Variants in ACTN4 observed in about 807,000 individuals in gnomAD.
The protein encoded by ACTN4 is alpha-actinin-4.
Under a neutral mutation model 114.2 loss-of-function variants are expected in ACTN4, and 18 were observed. That is an observed-to-expected ratio of 0.16 (90% CI 0.11 to 0.23). ACTN4 has a LOEUF of 0.23. ACTN4 is among the 10% of genes least tolerant of loss of function. ACTN4 has a pLI of 1.00. For synonymous variants in ACTN4, 515 were observed against 506.3 expected, an observed-to-expected ratio of 1.02 and a Z score of -0.23; for missense variants, 722 against 1,262.9, an observed-to-expected ratio of 0.57 and a Z score of 6.49.
At chr19:38,649,185 G>C (rs1245766226) in intron 1 of ACTN4, among the ~76,000 whole-genome samples, 1 of 143,466 alleles carries the variant, frequency 7.0e-6, no homozygotes, top group Non-Finnish European at 1.5e-5. Context: ...TTTTTGGGGG[G>C]CGGGGGGGGC....
rs1396470283 is a variant in ACTN4, at chr19:38,727,357, C to A, written c.2337+254C>A. The stretch of plus-strand genomic sequence containing the variant: ...GCCTTCTGGGGTGGCATCCTCACCA[C>A]CCCCAGGGCAGATGAAGTCTCAGCA... On this transcript the variant is annotated intron_variant, in intron 18 of 20. Transcript: ENST00000252699. This position sits in a 1 kb window ranked among gnomAD's most constrained non-coding sequence, Gnocchi z 5.4. Among the ~76,000 whole-genome samples, 1 of 152,170 alleles carries A rather than the reference C, an allele frequency of 6.6e-6. No individual in the cohort carries two copies. Among genetic ancestry groups the A allele is most frequent in the Admixed American group, 6.5e-5 (1 of 15,282 alleles).
rs1568666513 is a variant in ACTN4, at chr19:38,647,706, CG to C, written c.-37del. On this transcript the variant is annotated 5_prime_UTR_variant, in exon 1 of 21. Coordinates refer to ENST00000252699, the MANE Select transcript of ACTN4 (RefSeq NM_004924.6). ...TCGGGCAGAGGGGCGGGAGCTGAGGCGGGAGCGGACAGGCTGGTGGGCGAGC... is the reference window on the plus strand; with the variant it reads ...TCGGGCAGAGGGGCGGGAGCTGAGGCGGAGCGGACAGGCTGGTGGGCGAGC... 2 of 1,520,062 alleles carry C rather than the reference CG, an allele frequency of 1.3e-6. No homozygotes were observed. Among genetic ancestry groups the C allele is most frequent in the Admixed American group, 2.1e-5 (1 of 48,578 alleles). The allele number at this position is 1,520,062 out of a possible 1,614,324, so 94.2% of individuals were successfully genotyped here.
At chr19:38,705,405 C>T (rs1968423518) in intron 4 of ACTN4, among the ~76,000 whole-genome samples, 1 of 152,148 alleles carries the variant, frequency 6.6e-6, no homozygotes, top group Admixed American at 6.5e-5. Context: ...AACTTGGCCC[C>T]CATGGACCCG....
chr19:38,668,795 G>T lies in ACTN4; in HGVS notation c.162+20888G>T, dbSNP rs115900946. On this transcript the variant is annotated intron_variant, in intron 1 of 20. Transcript: ENST00000252699. ...ATGTGGTCTTGTTTTACTGCTCACTGACTTACTGAAGTAAACCCATTGACT... is the reference window on the plus strand; with the variant it reads ...ATGTGGTCTTGTTTTACTGCTCACTTACTTACTGAAGTAAACCCATTGACT... Among the ~76,000 whole-genome samples, 364 of 152,346 alleles carry T rather than the reference G, an allele frequency of 2.4e-3. 1 individual carries two copies. Among genetic ancestry groups the T allele is most frequent in the African/African-American group, 8.3e-3 (345 of 41,578 alleles).
chr19:38,689,086 A>G lies in ACTN4; in HGVS notation c.163-11514A>G, dbSNP rs368851060. 5.6e-4 allele frequency among the ~76,000 whole-genome samples: 86 copies of G among 152,306 alleles called. 1 individual carries two copies. In the South Asian group the frequency reaches 8.1e-3, roughly 14 times the overall value. On this transcript the variant is annotated intron_variant, in intron 1 of 20. Transcript: ENST00000252699. ...ACTCAGCAATTTTACTCCTAGGTATATGCCCAAGGCAGTTGAAAACATGTC... is the reference window on the plus strand; with the variant it reads ...ACTCAGCAATTTTACTCCTAGGTATGTGCCCAAGGCAGTTGAAAACATGTC...
chr19:38,663,675 G>T (rs1168957097), intron 1 of ACTN4, among the ~76,000 whole-genome samples: 1 of 152,200 alleles, frequency 6.6e-6, no homozygotes, highest in East Asian at 1.9e-4. Flanking sequence ...CTTTGGAGTA[G>T]CGCTACCAGT....
At chr19:38,686,965 CTTTTT>C (rs34122839) in intron 1 of ACTN4, among the ~76,000 whole-genome samples, 1 of 138,106 alleles carries the variant, frequency 7.2e-6, no homozygotes, top group Admixed American at 7.2e-5. Context: ...GGCAGAGTCT[CTTTTT>C]TTTTTTTTTT....
At chr19:38,674,060 G>A (rs1445964864) in intron 1 of ACTN4, among the ~76,000 whole-genome samples, 2 of 151,934 alleles carry the variant, frequency 1.3e-5, no homozygotes, top group Admixed American at 6.6e-5. Flanking sequence ...GATTACAGGC[G>A]TGAGCCACTG....
intron 11 of ACTN4, among the ~76,000 whole-genome samples, chr19:38,720,271 C>T (rs1197740631): frequency 6.6e-6 from 1 of 152,232 alleles, no homozygotes; most frequent in African/African-American, 2.4e-5. Context: ...CGAACGACCC[C>T]TTGTCCCCAC....
At chr19:38,692,360 C>T (rs1297642078) in intron 1 of ACTN4, among the ~76,000 whole-genome samples, 1 of 152,252 alleles carries the variant, frequency 6.6e-6, no homozygotes, top group Non-Finnish European at 1.5e-5. Context: ...CACGTTGCTG[C>T]ACCCATCTAA....
chr19:38,724,181 T>C lies in ACTN4; in HGVS notation c.1717T>C (p.Phe573Leu). ...GGGCCTGATCTCAGCCCATGACCAG[T>C]TCAAGTCCACCCTGCCGGACGCCGA... ...IEGLISAHDQ[F>L]KSTLPDADRE... Residue 573 changes from phenylalanine (F) to leucine (L), a missense_variant, in exon 15 of 21, where the codon TTC becomes CTC. Around this residue, in one of 3 missense-constraint regions of ACTN4, gnomAD observed 523 missense variants for 875.9 expected, o/e 0.60. Transcript: ENST00000252699. This position sits in a 1 kb window ranked among gnomAD's most constrained non-coding sequence, Gnocchi z 7.0. The C allele has an allele frequency of 6.2e-7, 1 of 1,613,742 alleles. No homozygotes were observed. The highest frequency in any genetic ancestry group is 8.5e-7 in the Non-Finnish European group (1 of 1,179,990).
chr19:38,670,213 C>T (rs991783405), intron 1 of ACTN4, among the ~76,000 whole-genome samples: 2 of 152,188 alleles, frequency 1.3e-5, no homozygotes, highest in African/African-American at 2.4e-5. Flanking sequence ...TTGGGGATCA[C>T]GTAACACCCT....
chr19:38,665,613 G>A (rs1599769819), intron 1 of ACTN4, among the ~76,000 whole-genome samples: 1 of 152,198 alleles, frequency 6.6e-6, no homozygotes, highest in South Asian at 2.1e-4. Flanking sequence ...TCGAAGAAGT[G>A]CCCTCCAACA....
chr19:38,704,127 A>ATT (rs1968375108), intron 3 of ACTN4, among the ~76,000 whole-genome samples: 1 of 152,228 alleles, frequency 6.6e-6, no homozygotes, highest in South Asian at 2.1e-4. Context: ...CTTGGGTAAC[A>ATT]TAATAAGACC....
intron 1 of ACTN4, among the ~76,000 whole-genome samples, chr19:38,649,210 C>G (rs909357958): frequency 7.0e-6 from 1 of 142,060 alleles, no homozygotes; most frequent in East Asian, 2.1e-4. Flanking sequence ...TGGTAGGGCC[C>G]CACAGCAGTG....
chr19:38,685,873 G>T (rs915085980), intron 1 of ACTN4, among the ~76,000 whole-genome samples: 2 of 152,182 alleles, frequency 1.3e-5, no homozygotes, highest in Admixed American at 6.5e-5. Flanking sequence ...AGGAGTTTCA[G>T]TTGTCAAAGA....
chr19:38,717,868 A>G lies in ACTN4; in HGVS notation c.1144-59A>G. 1 of 1,552,374 alleles carries G rather than the reference A, an allele frequency of 6.4e-7. No individual in the cohort carries two copies. The highest frequency in any genetic ancestry group is 8.7e-7 in the Non-Finnish European group (1 of 1,148,122). On this transcript the variant is annotated intron_variant, in intron 10 of 20. Coordinates refer to ENST00000252699, the MANE Select transcript of ACTN4 (RefSeq NM_004924.6). The surrounding 1 kb of genome is among the most constrained non-coding windows in gnomAD (Gnocchi z 4.0). ...CTTCCCATCAGCATCCCTTGGAGACATCCCCCTGGGTGCCTCCACTTCCTT... is the reference window on the plus strand; with the variant it reads ...CTTCCCATCAGCATCCCTTGGAGACGTCCCCCTGGGTGCCTCCACTTCCTT...
intron 1 of ACTN4, among the ~76,000 whole-genome samples, chr19:38,652,947 A>G (rs1326545018): frequency 6.6e-6 from 1 of 152,040 alleles, no homozygotes. Flanking sequence ...TTAACTGGGC[A>G]TGGTGGCAGG....
In ACTN4 at chr19:38,730,681, G is replaced by T. The variant is rs1488523143; in HGVS notation, c.*1249G>T. On this transcript the variant is annotated 3_prime_UTR_variant, in exon 21 of 21. Transcript: ENST00000252699. The stretch of plus-strand genomic sequence containing the variant: ...GGGCTGTCGCTGTTCTTGTTTCTGA[G>T]TGAGGAGTACGCAGGCCAGAGTGGT... 1 of 715,816 alleles carries T rather than the reference G, an allele frequency of 1.4e-6. No homozygotes were observed. The highest frequency in any genetic ancestry group is 2.7e-5 in the East Asian group (1 of 37,008). The allele number at this position is 715,816 out of a possible 1,614,324, so 44.3% of individuals were successfully genotyped here.
Sources: gnomAD v4.1 joint callset for allele counts (sites outside exome capture counted in the v4.1 genomes callset) on GRCh38, gnomAD v4.1.1 for gene constraint, gnomAD v4.1.1 regional missense constraint, Gnocchi (gnomAD v3.1) non-coding constraint, MANE v1.5 for transcripts, NCBI Gene and HGNC (gene_info 2026-07-23, HGNC 2026-07-21) for gene names.